The following MACROD2 variants were observed in gnomAD, a reference collection of about 807,000 sequenced individuals.
The protein encoded by MACROD2 is mono-ADP ribosylhydrolase 2.
In MACROD2, 36 loss-of-function variants were observed where a neutral mutation model predicts 70.4. The observed-to-expected ratio is 0.51, with a 90% CI of 0.39 to 0.68. The LOEUF (loss-of-function observed/expected upper bound fraction) is 0.68. Ranked by LOEUF, MACROD2 falls within the 30% of genes least tolerant of loss-of-function variation. MACROD2 has a pLI of 0.00. For missense variants in MACROD2, 496 were observed against 538.4 expected, an observed-to-expected ratio of 0.92 and a Z score of 0.78; for synonymous variants, 172 against 178.8, an observed-to-expected ratio of 0.96 and a Z score of 0.30.
At chr20:15,735,338 A>C (rs142997289) in intron 8 of MACROD2, among the ~76,000 whole-genome samples, 1 of 152,156 alleles carries the variant, frequency 6.6e-6, no homozygotes, top group Admixed American at 6.5e-5. Flanking sequence ...TGTTTGTCTG[A>C]CTCATAATGA....
intron 5 of MACROD2, among the ~76,000 whole-genome samples, chr20:14,753,375 G>A (rs1386712553): frequency 2.6e-5 from 4 of 151,896 alleles, no homozygotes; most frequent in Middle Eastern, 3.2e-3. Flanking sequence ...CTAGGACCTG[G>A]TACATAAAAT....
rs141573286 is a variant in MACROD2, at chr20:14,547,238, A to G, written c.301+53730A>G. Reference sequence around the variant, plus strand: ...GCTGCATCAACTGGCTCCATGCAGGAGGGACACGTGAAGGATCTCATCAAC... The same window carrying G: ...GCTGCATCAACTGGCTCCATGCAGGGGGGACACGTGAAGGATCTCATCAAC... On this transcript the variant is annotated intron_variant, in intron 4 of 17. Coordinates refer to ENST00000684519, the MANE Select transcript of MACROD2 (RefSeq NM_001351661.2). 3.5e-4 allele frequency: 208 copies of G among 586,734 alleles called. 1 individual carries two copies. In the African/African-American group the frequency reaches 3.7e-3, roughly 10 times the overall value. 36.3% of individuals were successfully genotyped at this position (586,734 alleles called of 1,614,324 possible). A position where few individuals can be genotyped will look rare whatever the true frequency, so the allele number is the denominator to read the frequency against.
chr20:15,688,104 T>C (rs1415303257), intron 8 of MACROD2, among the ~76,000 whole-genome samples: 1 of 152,196 alleles, frequency 6.6e-6, no homozygotes, highest in African/African-American at 2.4e-5. Flanking sequence ...AAGTAATGAA[T>C]TATCAGGCAG....
intron 5 of MACROD2, among the ~76,000 whole-genome samples, chr20:15,192,929 T>A (rs1187618899): frequency 1.3e-5 from 2 of 152,202 alleles, no homozygotes; most frequent in African/African-American, 4.8e-5. Context: ...CGCAGTGAAT[T>A]TTTGGTGTCA....
At chr20:14,822,061 A>C (rs528145586) in intron 5 of MACROD2, among the ~76,000 whole-genome samples, 1 of 152,238 alleles carries the variant, frequency 6.6e-6, no homozygotes, top group East Asian at 1.9e-4. Flanking sequence ...CAAAATGGTA[A>C]GAACAAGATA....
chr20:14,084,189 T>G (rs1224146440), intron 2 of MACROD2, among the ~76,000 whole-genome samples: 1 of 145,796 alleles, frequency 6.9e-6, no homozygotes, highest in Non-Finnish European at 1.5e-5. Flanking sequence ...CTTGGCCAAA[T>G]TTTTTTTTTT....
At chr20:14,752,418 T>TCATTAAGC (rs2071885739) in intron 5 of MACROD2, among the ~76,000 whole-genome samples, 1 of 152,098 alleles carries the variant, frequency 6.6e-6, no homozygotes, top group Non-Finnish European at 1.5e-5. Flanking sequence ...ACTTCTTTTC[T>TCATTAAGC]CATTAAGCTC....
chr20:14,802,304 T>C (rs1045540962), intron 5 of MACROD2, among the ~76,000 whole-genome samples: 1 of 152,074 alleles, frequency 6.6e-6, no homozygotes, highest in Non-Finnish European at 1.5e-5. Context: ...TTGGATATGG[T>C]TTTCACATGC....
intron 8 of MACROD2, among the ~76,000 whole-genome samples, chr20:15,617,428 G>A (rs1458663423): frequency 6.6e-6 from 1 of 152,076 alleles, no homozygotes; most frequent in Non-Finnish European, 1.5e-5. Flanking sequence ...ACTAGATCCC[G>A]TCACAAAACT....
At chr20:14,540,560 C>G (rs112816758) in intron 4 of MACROD2, among the ~76,000 whole-genome samples, 2 of 152,128 alleles carry the variant, frequency 1.3e-5, no homozygotes, top group African/African-American at 4.8e-5. Flanking sequence ...GCACAATTAC[C>G]TTCAATCTTG....
rs1447208485 is a variant in MACROD2 at position 14,554,656 on chromosome 20, C to T, written c.301+61148C>T. ...GAGGGATGAGTGTGTATTGAATTAT[C>T]TGAATTCTGCCACTTATGCCTAAGA... On this transcript the variant is annotated intron_variant, in intron 4 of 17. Coordinates refer to ENST00000684519, the MANE Select transcript of MACROD2 (RefSeq NM_001351661.2). Among the ~76,000 whole-genome samples, 4 of 152,070 alleles carry T rather than the reference C, an allele frequency of 2.6e-5. No homozygotes were observed. The East Asian group carries it at 5.8e-4, about 22-fold the overall frequency.
At chr20:15,877,866 G>A (rs574135711) in intron 9 of MACROD2, among the ~76,000 whole-genome samples, 36 of 152,234 alleles carry the variant, frequency 2.4e-4, no homozygotes, top group Admixed American at 2.0e-3. Context: ...CAGGATTATC[G>A]TAATTGTTCT....
intron 5 of MACROD2, among the ~76,000 whole-genome samples, chr20:14,983,273 T>C (rs191583889): frequency 6.6e-6 from 1 of 152,322 alleles, no homozygotes; most frequent in Non-Finnish European, 1.5e-5. Context: ...CAGAAGGGAC[T>C]TGCCTTGTCT....
At chr20:15,015,451 A>G (rs2075113696) in intron 5 of MACROD2, among the ~76,000 whole-genome samples, 1 of 149,892 alleles carries the variant, frequency 6.7e-6, no homozygotes, top group East Asian at 1.9e-4. Flanking sequence ...TTTTTTCTAC[A>G]TTTTTAATCT....
intron 8 of MACROD2, among the ~76,000 whole-genome samples, chr20:15,563,742 A>C (rs139870603): frequency 0.013 from 2,030 of 152,308 alleles, 66 homozygotes; most frequent in South Asian, 0.13. Flanking sequence ...TGCTGGAAAT[A>C]CTTGACTATA....
chr20:14,436,226 G>A (rs1239262043), intron 3 of MACROD2, among the ~76,000 whole-genome samples: 1 of 152,008 alleles, frequency 6.6e-6, no homozygotes, highest in East Asian at 1.9e-4. Flanking sequence ...TGCATTTAGT[G>A]TGATTTTAAA....
intron 5 of MACROD2, among the ~76,000 whole-genome samples, chr20:14,719,365 G>C (rs1006301884): frequency 1.3e-5 from 2 of 150,884 alleles, no homozygotes. Context: ...TTTTCTCCTA[G>C]TTTTTCCCAT....
intron 6 of MACROD2, among the ~76,000 whole-genome samples, chr20:15,417,565 C>T (rs2046169849): frequency 7.0e-6 from 1 of 142,666 alleles, no homozygotes; most frequent in African/African-American, 2.6e-5. Context: ...CACCACTGTC[C>T]TCCAGCCCAG....
intron 3 of MACROD2, among the ~76,000 whole-genome samples, chr20:14,166,227 A>G (rs2055267388): frequency 6.6e-6 from 1 of 152,178 alleles, no homozygotes; most frequent in Non-Finnish European, 1.5e-5. Context: ...AGAAAGGGAT[A>G]TATGGATTAT....
Sources: gnomAD v4.1 joint callset for allele counts (sites outside exome capture counted in the v4.1 genomes callset) on GRCh38, gnomAD v4.1.1 for gene constraint, MANE v1.5 for transcripts, NCBI Gene and HGNC (gene_info 2026-07-23, HGNC 2026-07-21) for gene names.